The following TAF4 variants were observed in gnomAD, a reference collection of about 807,000 sequenced individuals.
TAF4 encodes the protein transcription initiation factor TFIID subunit 4.
Under a neutral mutation model 90.3 loss-of-function variants are expected in TAF4, and 9 were observed. The observed-to-expected ratio is 0.10, with a 90% CI of 0.06 to 0.17. The LOEUF is 0.17. Among genes scored for constraint, TAF4 ranks in the 10% least tolerant of loss-of-function variants. The probability of loss-of-function intolerance (pLI) is 1.00; values close to 1 mark genes in which losing one functional copy is unlikely to be tolerated. For synonymous variants in TAF4, 818 were observed against 638.9 expected (o/e 1.28, Z -4.23); for missense variants, 1,351 against 1,370.7 (o/e 0.99, Z 0.23).
chr20:62,039,888 C>G (rs1373142199), intron 1 of TAF4, among the ~76,000 whole-genome samples: 1 of 152,154 alleles, frequency 6.6e-6, no homozygotes, highest in Non-Finnish European at 1.5e-5. Flanking sequence ...AGCAAATAAG[C>G]TGGTGGAAAG....
At position 62,065,338 on chromosome 20, in the gene TAF4, GC is replaced by G; in HGVS notation, c.472del (p.Ala158ProfsTer41). On this transcript the variant is annotated frameshift_variant, in exon 1 of 15. Transcript: ENST00000252996. LOFTEE classifies it high-confidence loss of function. ...AGPEPAPAGP[A>X]KPAGPAALAA... is the part of the protein sequence containing the mutation. The stretch of plus-strand genomic sequence containing the variant: ...CAGCGCGGCGGGGCCGGCGGGCTTG[GC>G]GGGGCCGGCGGGGGCGGGCTCGGGC... The G allele has an allele frequency of 1.0e-6, 1 of 957,660 alleles. No individual in the cohort carries two copies. The highest frequency in any genetic ancestry group is 4.8e-5 in the South Asian group (1 of 20,674). 59.3% of individuals were successfully genotyped at this position (957,660 alleles called of 1,614,324 possible). A position where few individuals can be genotyped will look rare whatever the true frequency, so the allele number is the denominator to read the frequency against.
At chr20:62,042,911 G>C (rs1453662936) in intron 1 of TAF4, among the ~76,000 whole-genome samples, 3 of 152,188 alleles carry the variant, frequency 2.0e-5, no homozygotes, top group Admixed American at 6.5e-5. Flanking sequence ...AGGGAGACGG[G>C]ACTTGGAGGT....
chr20:62,042,747 C>A (rs2055971158), intron 1 of TAF4, among the ~76,000 whole-genome samples: 1 of 152,224 alleles, frequency 6.6e-6, no homozygotes, highest in Admixed American at 6.5e-5. Context: ...ATTCTACTTC[C>A]CATCACTGTT....
chr20:62,043,897 A>C (rs2055978204), intron 1 of TAF4, among the ~76,000 whole-genome samples: 1 of 152,202 alleles, frequency 6.6e-6, no homozygotes, highest in Non-Finnish European at 1.5e-5. Flanking sequence ...TGGTTTACAC[A>C]TAATTCCAGG....
chr20:62,001,958 C>T (rs2055707719), intron 9 of TAF4, among the ~76,000 whole-genome samples: 1 of 152,160 alleles, frequency 6.6e-6, no homozygotes, highest in Non-Finnish European at 1.5e-5. Context: ...CAGGACCCTG[C>T]GGTGAACAAA....
At chr20:62,063,370 C>G (rs921013199) in intron 1 of TAF4, among the ~76,000 whole-genome samples, 3 of 152,240 alleles carry the variant, frequency 2.0e-5, no homozygotes, top group African/African-American at 7.2e-5. Flanking sequence ...CTGCTGCCAC[C>G]GCGCTGCTAC....
intron 1 of TAF4, among the ~76,000 whole-genome samples, chr20:62,059,098 A>G (rs1339829606): frequency 6.6e-6 from 1 of 152,222 alleles, no homozygotes; most frequent in Non-Finnish European, 1.5e-5. Flanking sequence ...GCGGTTCCCA[A>G]CGACAACTTC....
chr20:62,031,804 G>C (rs892668979), intron 1 of TAF4, among the ~76,000 whole-genome samples: 2 of 152,152 alleles, frequency 1.3e-5, no homozygotes, highest in African/African-American at 4.8e-5. Context: ...ACCCCAGGGA[G>C]ACGCCGGGGT....
In TAF4 at chr20:62,065,166, G is replaced by T. The variant is rs755370115; in HGVS notation, c.645C>A (p.Val215=). Residue 215 remains valine, a synonymous_variant, in exon 1 of 15, where the codon GTC becomes GTA. Coordinates refer to ENST00000252996, the MANE Select transcript of TAF4 (RefSeq NM_003185.4). The stretch of plus-strand genomic sequence containing the variant: ...CGGCGGGCCCGTTGTTGACCAGGCT[G>T]ACAGCAGGTGCGGCGGCGTGGTGCG... ...LNSHHAAAPA[V]SLVNNGPAAL... is the part of the protein sequence containing the mutation. 4.9e-6 allele frequency: 6 copies of T among 1,215,254 alleles called. 1 individual carries two copies. Among genetic ancestry groups the T allele is most frequent in the South Asian group, 1.4e-5 (1 of 72,908 alleles). The allele number at this position is 1,215,254 out of a possible 1,614,324, so 75.3% of individuals were successfully genotyped here.
At chr20:62,005,570 G>C (rs1241910330) in intron 7 of TAF4, 1 of 152,232 alleles carries the variant, frequency 6.6e-6, no homozygotes, top group Non-Finnish European at 1.5e-5. Flanking sequence ...CAAGAGGCAC[G>C]GCACATCTCT....
intron 14 of TAF4, 123 bp downstream of exon 14, chr20:61,997,427 T>C (rs751858709): frequency 8.2e-7 from 1 of 1,222,956 alleles, no homozygotes; most frequent in South Asian, 2.8e-5. Context: ...CCAGAAAAGG[T>C]GAGACAAAAT....
chr20:62,058,987 CG>C (rs5842372), intron 1 of TAF4, among the ~76,000 whole-genome samples: 71,660 of 121,950 alleles, frequency 0.59, 23,727 homozygotes, highest in African/African-American at 0.75. Flanking sequence ...CAATGGGGCT[CG>C]GGGGGCCAAC....
intron 1 of TAF4, among the ~76,000 whole-genome samples, chr20:62,016,111 A>C (rs942878462): frequency 2.6e-5 from 4 of 152,202 alleles, no homozygotes; most frequent in African/African-American, 9.6e-5. Flanking sequence ...GACAGCCTTC[A>C]AAGCCAGGTG....
In TAF4 at chr20:62,043,837, G is replaced by T. The variant is rs1006557494; in HGVS notation, c.1360+20614C>A. Among the ~76,000 whole-genome samples, 8 of 152,206 alleles carry T rather than the reference G, an allele frequency of 5.3e-5. No individual in the cohort carries two copies. In the East Asian group the frequency reaches 1.5e-3, roughly 29 times the overall value. ...TCGCACAACGATGACATTGCCTAAT[G>T]ATGCGTTTCTAGAATGTATCCCCAT... On this transcript the variant is annotated intron_variant, in intron 1 of 14. Transcript: ENST00000252996.
intron 7 of TAF4, chr20:62,005,793 C>A (rs1337159162): frequency 1.3e-5 from 2 of 152,218 alleles, no homozygotes; most frequent in African/African-American, 4.8e-5. Context: ...ATGTGTACAC[C>A]ATCACAACAC....
At position 62,065,493 on chromosome 20, in the gene TAF4, G is replaced by A. The variant is rs867843226; in HGVS notation, c.318C>T (p.Gly106=). 1.7e-3 allele frequency: 1,665 copies of A among 970,016 alleles called. 72 individuals are homozygous for A. The South Asian group carries it at 0.067, about 39-fold the overall frequency. 60.1% of individuals were successfully genotyped at this position (970,016 alleles called of 1,614,324 possible). ...CAAGGGGGCGGCGCGGTGAGGGGGG[G>A]CCCGGGCGCTGCGGCCCCCCGCCCC... ...RPGGGGPQRP[G]PPSPRRPLVP... The change falls in exon 1 of 15, where the codon GGC becomes GGT. Residue 106 remains glycine (G), a synonymous_variant. Transcript: ENST00000252996.
Position 62,064,707 on chromosome 20 carries a change from G to A in TAF4, c.1104C>T (p.Ser368=), listed in dbSNP as rs1231698546. 5.6e-6 allele frequency: 7 copies of A among 1,241,198 alleles called. No individual in the cohort carries two copies. The highest frequency in any genetic ancestry group is 2.9e-5 in the South Asian group (1 of 34,124). 76.9% of individuals were successfully genotyped at this position (1,241,198 alleles called of 1,614,324 possible). A position where few individuals can be genotyped will look rare whatever the true frequency, so the allele number is the denominator to read the frequency against. The change falls in exon 1 of 15, where the codon AGC becomes AGT. Residue 368 remains serine, a synonymous_variant. Transcript: ENST00000252996. ...AQTLAASGPA[S]TAASMVIGPT... ...GCCCGATGACCATGCTGGCCGCCGT[G>A]CTGGCCGGGCCGCTGGCCGCCAGGG...
intron 1 of TAF4, among the ~76,000 whole-genome samples, chr20:62,047,398 G>A (rs994830670): frequency 3.3e-5 from 5 of 152,116 alleles, no homozygotes; most frequent in African/African-American, 7.2e-5. Flanking sequence ...TCTGGTTAAC[G>A]AGGCACTCAG....
chr20:62,027,808 G>A (rs1009051470), intron 1 of TAF4, among the ~76,000 whole-genome samples: 1 of 152,166 alleles, frequency 6.6e-6, no homozygotes, highest in Non-Finnish European at 1.5e-5. Context: ...CACAACGGAG[G>A]GCACAGCAGG....
Sources: gnomAD v4.1 joint callset for allele counts (sites outside exome capture counted in the v4.1 genomes callset) on GRCh38, gnomAD v4.1.1 for gene constraint, MANE v1.5 for transcripts, NCBI Gene and HGNC (gene_info 2026-07-23, HGNC 2026-07-21) for gene names.